GLI3: variants seen among roughly 807,000 people sequenced by gnomAD.
The protein encoded by GLI3 is GLI family zinc finger 3.
Under a neutral mutation model 100.8 loss-of-function variants are expected in GLI3, and 20 were observed. That is an observed-to-expected ratio of 0.20 (90% CI 0.14 to 0.29). The LOEUF is 0.29. GLI3 is among the 10% of genes least tolerant of loss of function. The pLI, the probability that GLI3 is intolerant of heterozygous loss-of-function variation, is 1.00. For missense variants in GLI3, 2,040 were observed against 2,128.5 expected, an observed-to-expected ratio of 0.96 and a Z score of 0.82; for synonymous variants, 938 against 860.5, an observed-to-expected ratio of 1.09 and a Z score of -1.58.
chr7:42,032,667 T>C (rs1309675412), intron 7 of GLI3, among the ~76,000 whole-genome samples: 3 of 152,174 alleles, frequency 2.0e-5, no homozygotes, highest in Non-Finnish European at 4.4e-5. Flanking sequence ...TTAACAATGG[T>C]ACTATAAATA....
chr7:42,029,453 C>T (rs144536736), intron 7 of GLI3, among the ~76,000 whole-genome samples: 74 of 152,260 alleles, frequency 4.9e-4, no homozygotes, highest in African/African-American at 1.7e-3. Flanking sequence ...AGAAAGGATG[C>T]CTCCCACGCA....
chr7:42,020,558 A>G (rs1788907116), intron 10 of GLI3, among the ~76,000 whole-genome samples: 2 of 152,220 alleles, frequency 1.3e-5, no homozygotes, highest in Admixed American at 6.5e-5. Context: ...AAGGCAGAGC[A>G]TCAGAATGGT....
Position 42,229,903 on chromosome 7 carries a change from T to A in GLI3, c.-42-6608A>T, listed in dbSNP as rs923071640. ...ATTTTAAACATTTCATTGGATTTCA[T>A]GTATTCATGCACCACAGAAAACCTC... On this transcript the variant is annotated intron_variant, in intron 1 of 14. Coordinates refer to ENST00000395925, the MANE Select transcript of GLI3 (RefSeq NM_000168.6). 3.3e-4 allele frequency among the ~76,000 whole-genome samples: 51 copies of A among 152,314 alleles called. 1 individual carries two copies. The highest frequency in any genetic ancestry group is 1.2e-3 in the African/African-American group (50 of 41,570).
rs923657538 is a variant in GLI3 at position 41,969,846 on chromosome 7, C to T, written c.2104-1923G>A. ...CTTCCTCAAAGAAGGTGGTGCACAT[C>T]TGGTCTAAGGATGAATTTGCATTAG... On this transcript the variant is annotated intron_variant, in intron 13 of 14. Coordinates refer to ENST00000395925, the MANE Select transcript of GLI3 (RefSeq NM_000168.6). Among the ~76,000 whole-genome samples, 3 of 152,322 alleles carry T rather than the reference C, an allele frequency of 2.0e-5. No individual in the cohort carries two copies. In the East Asian group the frequency reaches 5.8e-4, roughly 29 times the overall value.
intron 2 of GLI3, among the ~76,000 whole-genome samples, chr7:42,160,292 G>A (rs1787101588): frequency 6.6e-6 from 1 of 152,182 alleles, no homozygotes; most frequent in Non-Finnish European, 1.5e-5. Context: ...TGGATGTCCA[G>A]GTTGAATATC....
chr7:42,264,191 C>T (rs1426855037), upstream of GLI3, among the ~76,000 whole-genome samples: 1 of 152,186 alleles, frequency 6.6e-6, no homozygotes, highest in East Asian at 1.9e-4. Flanking sequence ...GCGTGGGCCA[C>T]ATGACACCCA....
intron 7 of GLI3, among the ~76,000 whole-genome samples, chr7:42,034,251 T>C (rs1789374102): frequency 6.6e-6 from 1 of 152,252 alleles, no homozygotes; most frequent in Admixed American, 6.5e-5. Flanking sequence ...TGAGGATTTC[T>C]AAGAGAGAAA....
intron 2 of GLI3, among the ~76,000 whole-genome samples, chr7:42,201,172 C>A (rs1788031147): frequency 6.6e-6 from 1 of 152,062 alleles, no homozygotes; most frequent in South Asian, 2.1e-4. Context: ...ATAATTACAA[C>A]AATATACTGT....
At chr7:42,020,772 C>A (rs1361821848) in intron 10 of GLI3, among the ~76,000 whole-genome samples, 1 of 152,034 alleles carries the variant, frequency 6.6e-6, no homozygotes, top group Non-Finnish European at 1.5e-5. Context: ...CGCCTGTAGT[C>A]CCAGCTACTC....
intron 4 of GLI3, among the ~76,000 whole-genome samples, chr7:42,063,059 A>T (rs771869101): frequency 1.3e-5 from 2 of 152,134 alleles, no homozygotes; most frequent in Non-Finnish European, 2.9e-5. Context: ...CACCAGCATA[A>T]CCATCACACA....
rs148968362 is a variant in GLI3 at position 42,103,674 on chromosome 7, C to T, written c.368-26817G>A. On this transcript the variant is annotated intron_variant, in intron 3 of 14. Transcript: ENST00000395925. ...CCCAGTCCTTTTCACATTCCAGTGA[C>T]GTAGATATCTGAATCCTCATTTCTC... Among the ~76,000 whole-genome samples the T allele has an allele frequency of 3.3e-3, 508 of 152,226 alleles. 1 individual carries two copies. Among genetic ancestry groups the T allele is most frequent in the South Asian group, 0.014 (70 of 4,828 alleles).
intron 7 of GLI3, among the ~76,000 whole-genome samples, chr7:42,035,453 T>C (rs1789411174): frequency 6.6e-6 from 1 of 152,156 alleles, no homozygotes; most frequent in Non-Finnish European, 1.5e-5. Flanking sequence ...CAGAAAAACA[T>C]TGCACTGTTT....
intron 1 of GLI3, among the ~76,000 whole-genome samples, chr7:42,246,019 C>A (rs188042892): frequency 4.4e-4 from 67 of 152,050 alleles, no homozygotes; most frequent in African/African-American, 1.5e-3. Context: ...CTCAGAGATC[C>A]AGAAAAATTG....
chr7:41,984,690 G>GA (rs1787765130), intron 10 of GLI3, among the ~76,000 whole-genome samples: 1 of 152,194 alleles, frequency 6.6e-6, no homozygotes, highest in Admixed American at 6.5e-5. Context: ...AAAAACAGTG[G>GA]AGGGGGGAAA....
intron 7 of GLI3, among the ~76,000 whole-genome samples, chr7:42,033,089 G>A (rs928307806): frequency 3.3e-5 from 5 of 152,152 alleles, no homozygotes; most frequent in East Asian, 1.9e-4. Flanking sequence ...GACCCAGCGC[G>A]GTGTGCACAG....
At position 41,964,727 on chromosome 7, in the gene GLI3, C is replaced by T. The variant is rs1439808193; in HGVS notation, c.4346G>A (p.Gly1449Asp). The stretch of plus-strand genomic sequence containing the variant: ...AGCTTTCGTGTCTTGCTGACTGAAG[C>T]CCACGGTTTGGTCATAGAACTGACC... ...YSGQFYDQTV[G>D]FSQQDTKAGS... Residue 1449 changes from glycine to aspartate, a missense_variant, in exon 15 of 15, where the codon GGC becomes GAC. By Grantham distance (94) the Gly-to-Asp change is moderately conservative (BLOSUM62 -1). This residue lies in a region of GLI3 where 1,041 missense variants were observed against 924.0 expected (regional missense o/e 1.13). Coordinates refer to ENST00000395925, the MANE Select transcript of GLI3 (RefSeq NM_000168.6). 6.2e-7 allele frequency: 1 copy of T among 1,614,000 alleles called. No individual in the cohort carries two copies. Among genetic ancestry groups the T allele is most frequent in the East Asian group, 2.2e-5 (1 of 44,876 alleles).
chr7:42,043,845 G>A (rs73688629), intron 6 of GLI3, among the ~76,000 whole-genome samples: 295 of 152,276 alleles, frequency 1.9e-3, no homozygotes, highest in African/African-American at 6.7e-3. Flanking sequence ...TTTATTTGCA[G>A]ATTTTAAATA....
intron 2 of GLI3, among the ~76,000 whole-genome samples, chr7:42,218,450 C>A (rs1328683368): frequency 1.4e-5 from 2 of 143,310 alleles, no homozygotes; most frequent in Admixed American, 6.9e-5. Flanking sequence ...TTTGTCATTA[C>A]TTTTAAAGGC....
At chr7:41,993,144 G>A (rs998954667) in intron 10 of GLI3, among the ~76,000 whole-genome samples, 2 of 152,028 alleles carry the variant, frequency 1.3e-5, no homozygotes, top group African/African-American at 4.8e-5. Flanking sequence ...CAAAGTGTCC[G>A]GCAAGAAAAA....
Sources: gnomAD v4.1 joint callset for allele counts (sites outside exome capture counted in the v4.1 genomes callset) on GRCh38, gnomAD v4.1.1 for gene constraint, gnomAD v4.1.1 regional missense constraint, MANE v1.5 for transcripts, NCBI Gene and HGNC (gene_info 2026-07-23, HGNC 2026-07-21) for gene names.